FRMPD2: variants seen among roughly 807,000 people sequenced by gnomAD.
FRMPD2 encodes FERM and PDZ domain containing 2.
In FRMPD2, 96 loss-of-function variants were observed where a neutral mutation model predicts 140.1. That is an observed-to-expected ratio of 0.69 (90% CI 0.58 to 0.81). The LOEUF (loss-of-function observed/expected upper bound fraction) is 0.81, where lower values mean the gene tolerates loss of function less well. Ranked by LOEUF, FRMPD2 falls within the 40% of genes least tolerant of loss-of-function variation. The probability of loss-of-function intolerance (pLI) is 0.00; values close to 1 mark genes in which losing one functional copy is unlikely to be tolerated. For synonymous variants in FRMPD2, 449 were observed against 547.6 expected (o/e 0.82, Z 2.52); for missense variants, 1,240 against 1,447.4 (o/e 0.86, Z 2.32).
chr10:48,202,924 C>T (rs1839122482), intron 14 of FRMPD2, among the ~76,000 whole-genome samples: 1 of 152,014 alleles, frequency 6.6e-6, no homozygotes, highest in Non-Finnish European at 1.5e-5. Context: ...CCTCAGCCTC[C>T]CAAGTAGTTG....
chr10:48,242,186 C>T lies in FRMPD2; in HGVS notation c.542G>A (p.Gly181Asp). 2 of 1,613,472 alleles carry T rather than the reference C, an allele frequency of 1.2e-6. No individual in the cohort carries two copies. The highest frequency in any genetic ancestry group is 1.7e-6 in the Non-Finnish European group (2 of 1,179,596). Residue 181 changes from glycine (G) to aspartate (D), a missense_variant, in exon 5 of 29, where the codon GGC becomes GAC. Coordinates refer to ENST00000374201, the MANE Select transcript of FRMPD2 (RefSeq NM_001018071.4). Reference protein sequence around the residue: ...PAGLHIRRLVGLVLGTISEVE... With the variant: ...PAGLHIRRLVDLVLGTISEVE... ...CTCAGAAATGGTACCCAGAACCAAG[C>T]CAACCAGCCTTCTGATGTGGAGACC... is the stretch of plus-strand genomic sequence containing the variant.
intron 17 of FRMPD2, 95 bp from the exon 18 acceptor site, chr10:48,185,740 GCACACA>G: frequency 2.3e-6 from 2 of 865,282 alleles, no homozygotes; most frequent in Non-Finnish European, 3.9e-6. Flanking sequence ...ACACATGCGC[GCACACA>G]CATTCACACG....
At chr10:48,265,090 G>A (rs983010999) in intron 1 of FRMPD2, among the ~76,000 whole-genome samples, 2 of 152,070 alleles carry the variant, frequency 1.3e-5, no homozygotes, top group South Asian at 4.1e-4. Context: ...CTTCAACAAA[G>A]CTGACAAAAA....
chr10:48,178,378 G>A (rs1394826332), intron 21 of FRMPD2, among the ~76,000 whole-genome samples: 2 of 152,178 alleles, frequency 1.3e-5, no homozygotes, highest in Non-Finnish European at 2.9e-5. Flanking sequence ...CCACTTCTAG[G>A]CAGAGAATGC....
chr10:48,185,553 C>A lies in FRMPD2; in HGVS notation c.2359G>T (p.Gly787Trp). The change falls in exon 18 of 29, where the codon GGG (glycine) becomes TGG (tryptophan). Residue 787 changes from glycine (G) to tryptophan (W), a missense_variant and splice_region_variant. Physicochemically the swap from Gly to Trp is radical, Grantham distance 184. This residue lies in a region of FRMPD2 where 1,161 missense variants were observed against 1,055.9 expected (regional missense o/e 1.10). Transcript: ENST00000374201. ...TLKRDPHRGF[G>W]FVINEGEYSG... ...CCTCACCTACAGGGAGCCCTCTTAC[C>A]AAAACCACGATGTGGGTCACGTTTC... 6.2e-7 allele frequency: 1 copy of A among 1,613,402 alleles called. No homozygotes were observed. The highest frequency in any genetic ancestry group is 1.1e-5 in the South Asian group (1 of 91,058).
chr10:48,238,494 A>G (rs368672839), intron 7 of FRMPD2, among the ~76,000 whole-genome samples: 2 of 152,192 alleles, frequency 1.3e-5, no homozygotes, highest in East Asian at 3.8e-4. Flanking sequence ...AAATATTTTG[A>G]CAATAAAATA....
rs375903582 is a variant in FRMPD2, at chr10:48,212,070, T to C, written c.1495A>G (p.Ile499Val). The C allele has an allele frequency of 5.0e-6, 8 of 1,614,092 alleles. No individual in the cohort carries two copies. In the African/African-American group the frequency reaches 9.3e-5, roughly 19 times the overall value. ...SKPYFHVEDY[I>V]PASLIERMTA... ...ATCCTCTCGATCAGACTCGCTGGGA[T>C]GTAATCTTCAACGTGAAAGTATGGC... is the stretch of plus-strand genomic sequence containing the variant. Residue 499 changes from isoleucine to valine, a missense_variant, in exon 13 of 29, where the codon ATC becomes GTC. Physicochemically the swap from Ile to Val is conservative, Grantham distance 29. This residue lies in a region of FRMPD2 where 1,161 missense variants were observed against 1,055.9 expected (regional missense o/e 1.10). Coordinates refer to ENST00000374201, the MANE Select transcript of FRMPD2 (RefSeq NM_001018071.4).
chr10:48,234,487 G>C (rs1839921864), intron 9 of FRMPD2, among the ~76,000 whole-genome samples: 1 of 152,096 alleles, frequency 6.6e-6, no homozygotes, highest in Non-Finnish European at 1.5e-5. Flanking sequence ...AGAAGGAAAG[G>C]GTGTGTGTAC....
chr10:48,199,433 C>A (rs1249432469), intron 15 of FRMPD2, among the ~76,000 whole-genome samples: 1 of 152,316 alleles, frequency 6.6e-6, no homozygotes, highest in Non-Finnish European at 1.5e-5. Flanking sequence ...ACATTTCTCA[C>A]TGTAATTGCT....
chr10:48,185,151 A>G (rs1380349454), intron 18 of FRMPD2, among the ~76,000 whole-genome samples: 1 of 152,214 alleles, frequency 6.6e-6, no homozygotes, highest in African/African-American at 2.4e-5. Flanking sequence ...ATAATGAGAC[A>G]TAGGAAAGAA....
At chr10:48,177,906 C>G (rs556756458) in intron 22 of FRMPD2, 141 bp downstream of exon 22, 3 of 580,166 alleles carry the variant, frequency 5.2e-6, no homozygotes, top group Non-Finnish European at 9.7e-6. Flanking sequence ...CCAGTGCAGG[C>G]CCCCACTGGC....
chr10:48,272,085 C>CTATT (rs1349627624), intron 1 of FRMPD2, among the ~76,000 whole-genome samples: 1 of 152,226 alleles, frequency 6.6e-6, no homozygotes, highest in African/African-American at 2.4e-5. Context: ...GCAGCCCTTG[C>CTATT]TATTCCTGAG....
rs1310905592 is a variant in FRMPD2 at position 48,201,403 on chromosome 10, G to C, written c.1798-19C>G. The C allele has an allele frequency of 6.2e-7, 1 of 1,611,926 alleles. No homozygotes were observed. The highest frequency in any genetic ancestry group is 2.2e-5 in the East Asian group (1 of 44,856). On this transcript the variant is annotated intron_variant, in intron 14 of 28. Coordinates refer to ENST00000374201, the MANE Select transcript of FRMPD2 (RefSeq NM_001018071.4). ...TTTTTTGCTGAAGGAAGCAAACACAGACTTTAATACACTGATCATCCACAA... is the reference window on the plus strand; with the variant it reads ...TTTTTTGCTGAAGGAAGCAAACACACACTTTAATACACTGATCATCCACAA...
Position 48,196,084 on chromosome 10 carries a change from G to C in FRMPD2, c.1955-3190C>G, listed in dbSNP as rs141685955. Among the ~76,000 whole-genome samples the C allele has an allele frequency of 2.3e-3, 343 of 152,064 alleles. 1 individual carries two copies. Among genetic ancestry groups the C allele is most frequent in the African/African-American group, 7.5e-3 (312 of 41,450 alleles). The stretch of plus-strand genomic sequence containing the variant: ...TATCTTGGTGGTCTGAGCCAGGAAG[G>C]AGTTAGGAACGTGCTGCAGGCAGAG... On this transcript the variant is annotated intron_variant, in intron 15 of 28. Coordinates refer to ENST00000374201, the MANE Select transcript of FRMPD2 (RefSeq NM_001018071.4).
At position 48,238,103 on chromosome 10, in the gene FRMPD2, G is replaced by T. The variant is rs1355678840; in HGVS notation, c.809C>A (p.Pro270His). Residue 270 changes from proline to histidine, a missense_variant, in exon 8 of 29, where the codon CCC (proline) becomes CAC (histidine). This residue lies in a region of FRMPD2 where 1,161 missense variants were observed against 1,055.9 expected (regional missense o/e 1.10). Coordinates refer to ENST00000374201, the MANE Select transcript of FRMPD2 (RefSeq NM_001018071.4). ...CCTCCGGCCCGCCTGCTGGTCCTGG[G>T]GATCTGCTCCTGGAAGAGCGCTGGC... The part of the protein sequence containing the change: ...LVNRALPGAD[P>H]QDQQAGRRLS... 1 of 1,612,320 alleles carries T rather than the reference G, an allele frequency of 6.2e-7. No homozygotes were observed. The highest frequency in any genetic ancestry group is 8.5e-7 in the Non-Finnish European group (1 of 1,180,028).
At chr10:48,228,042 G>A (rs952348704) in intron 10 of FRMPD2, among the ~76,000 whole-genome samples, 1 of 152,032 alleles carries the variant, frequency 6.6e-6, no homozygotes, top group African/African-American at 2.4e-5. Flanking sequence ...AAAATAAATT[G>A]CTTGATGTGA....
At chr10:48,270,450 A>G (rs1840747897) in intron 1 of FRMPD2, among the ~76,000 whole-genome samples, 1 of 152,224 alleles carries the variant, frequency 6.6e-6, no homozygotes, top group African/African-American at 2.4e-5. Context: ...ATGTATATTC[A>G]AAGATATTTG....
chr10:48,240,371 T>G lies in FRMPD2; in HGVS notation c.689A>C (p.His230Pro). The change falls in exon 6 of 29, where the codon CAT becomes CCT. Residue 230 changes from histidine to proline, a missense_variant. This residue lies in a region of FRMPD2 where 1,161 missense variants were observed against 1,055.9 expected (regional missense o/e 1.10). Coordinates refer to ENST00000374201, the MANE Select transcript of FRMPD2 (RefSeq NM_001018071.4). Reference protein sequence around the residue: ...SPAAQAPECLHPCRVSERSTE... With the variant: ...SPAAQAPECLPPCRVSERSTE... ...GGGCACGTACCCACCTCTGCAAGGATGCAGACACTCCGGGGCCTGTGCCGC... is the reference window on the plus strand; with the variant it reads ...GGGCACGTACCCACCTCTGCAAGGAGGCAGACACTCCGGGGCCTGTGCCGC... 1.2e-6 allele frequency: 2 copies of G among 1,612,314 alleles called. No individual in the cohort carries two copies. The highest frequency in any genetic ancestry group is 1.7e-6 in the Non-Finnish European group (2 of 1,180,032).
chr10:48,217,662 TAG>T (rs750567545), intron 12 of FRMPD2, among the ~76,000 whole-genome samples: 17 of 152,236 alleles, frequency 1.1e-4, no homozygotes, highest in Admixed American at 9.8e-4. Flanking sequence ...TATACATGTG[TAG>T]GTGTTGGGTT....
Sources: allele counts gnomAD v4.1 joint callset (sites outside exome capture counted in the v4.1 genomes callset), GRCh38; gene constraint gnomAD v4.1.1; regional missense constraint gnomAD v4.1.1; transcripts MANE v1.5; gene names NCBI Gene and HGNC (gene_info 2026-07-23, HGNC 2026-07-21).